Variants in SKAP1 observed in about 807,000 individuals in gnomAD.
SKAP1 encodes src kinase-associated phosphoprotein 1.
A neutral mutation model predicts 58.5 loss-of-function variants in SKAP1; 44 were observed. That is an observed-to-expected ratio of 0.75 (90% CI 0.59 to 0.97). The LOEUF (loss-of-function observed/expected upper bound fraction) is 0.97, where lower values mean the gene tolerates loss of function less well. Among genes scored for constraint, SKAP1 ranks in the 50% least tolerant of loss-of-function variants. The pLI is 0.00. For synonymous variants in SKAP1, 127 were observed against 149.7 expected, an observed-to-expected ratio of 0.85 and a Z score of 1.11; for missense variants, 390 against 435.2, an observed-to-expected ratio of 0.90 and a Z score of 0.92.
At chr17:48,390,433 A>T (rs958843399) in intron 2 of SKAP1, among the ~76,000 whole-genome samples, 4 of 152,218 alleles carry the variant, frequency 2.6e-5, no homozygotes, top group Admixed American at 1.3e-4. Context: ...GTATGAATTA[A>T]GTCCATCTAC....
chr17:48,333,007 A>G (rs1385106684), intron 4 of SKAP1, among the ~76,000 whole-genome samples: 1 of 152,206 alleles, frequency 6.6e-6, no homozygotes, highest in East Asian at 1.9e-4. Flanking sequence ...CCTATTCTAG[A>G]TAGGAAAAGT....
At chr17:48,184,576 A>G (rs1313452190) in intron 7 of SKAP1, 147 bp downstream of exon 7, 1 of 974,806 alleles carries the variant, frequency 1.0e-6, no homozygotes, top group Non-Finnish European at 1.6e-6. Flanking sequence ...AAATATGAGG[A>G]CATGCCAAGA....
intron 6 of SKAP1, among the ~76,000 whole-genome samples, chr17:48,185,579 G>C (rs2064438872): frequency 6.6e-6 from 1 of 152,134 alleles, no homozygotes; most frequent in Non-Finnish European, 1.5e-5. Flanking sequence ...CATTGTGTGG[G>C]TCAGGCAGAA....
chr17:48,317,323 A>G (rs2066302485), intron 4 of SKAP1, among the ~76,000 whole-genome samples: 1 of 152,252 alleles, frequency 6.6e-6, no homozygotes, highest in African/African-American at 2.4e-5. Context: ...TGATCAGTTG[A>G]CCTTCATTTC....
intron 4 of SKAP1, among the ~76,000 whole-genome samples, chr17:48,279,370 C>A (rs2065740184): frequency 6.6e-6 from 1 of 152,192 alleles, no homozygotes; most frequent in Non-Finnish European, 1.5e-5. Flanking sequence ...ACAATAGATT[C>A]TAACACTGCC....
At chr17:48,187,705 C>T (rs1296344603) in intron 6 of SKAP1, 138 bp downstream of exon 6, 35 of 580,070 alleles carry the variant, frequency 6.0e-5, no homozygotes, top group Non-Finnish European at 9.1e-5. Flanking sequence ...ATTATTTGTC[C>T]ATGCCAATTT....
At chr17:48,134,511 T>G (rs1056450434) in intron 12 of SKAP1, among the ~76,000 whole-genome samples, 1 of 151,496 alleles carries the variant, frequency 6.6e-6, no homozygotes, top group East Asian at 1.9e-4. Flanking sequence ...AGAGATGAGG[T>G]TCCACCATGT....
intron 11 of SKAP1, among the ~76,000 whole-genome samples, chr17:48,137,924 C>A (rs2063721557): frequency 1.3e-5 from 2 of 152,194 alleles, no homozygotes. Flanking sequence ...GATAATATCT[C>A]CCTTCTATCT....
chr17:48,339,326 G>GTTTA lies in SKAP1; in HGVS notation c.280+6575_280+6578dup, dbSNP rs373691500. On this transcript the variant is annotated intron_variant, in intron 4 of 12. Coordinates refer to ENST00000336915, the MANE Select transcript of SKAP1 (RefSeq NM_003726.4). ...TGAATATATGTATGTATGCATATAT[G>GTTTA]TTTATTTACAGACTTATTTATGGAA... 4.2e-4 allele frequency among the ~76,000 whole-genome samples: 64 copies of GTTTA among 152,238 alleles called. 2 individuals carry two copies. The East Asian group carries it at 0.012, about 29-fold the overall frequency.
chr17:48,282,267 A>C (rs1296500118), intron 4 of SKAP1, among the ~76,000 whole-genome samples: 1 of 152,214 alleles, frequency 6.6e-6, no homozygotes, highest in African/African-American at 2.4e-5. Flanking sequence ...TTCAACAATT[A>C]TCAACTCATG....
At chr17:48,157,929 AC>A (rs1344242293) in intron 11 of SKAP1, among the ~76,000 whole-genome samples, 19 of 150,630 alleles carry the variant, frequency 1.3e-4, no homozygotes, top group African/African-American at 4.6e-4. Flanking sequence ...TGTAATCCCA[AC>A]ACTTTAGGAG....
chr17:48,431,465 C>T (rs1050214365), upstream of SKAP1, among the ~76,000 whole-genome samples: 2 of 152,182 alleles, frequency 1.3e-5, no homozygotes, highest in African/African-American at 4.8e-5. Context: ...GATGGAAGAG[C>T]CCTCACCAGC....
chr17:48,283,798 G>C (rs2065797042), intron 4 of SKAP1, among the ~76,000 whole-genome samples: 1 of 152,146 alleles, frequency 6.6e-6, no homozygotes, highest in Non-Finnish European at 1.5e-5. Flanking sequence ...TTCTGTCTGG[G>C]CATCTTGTAC....
intron 9 of SKAP1, among the ~76,000 whole-genome samples, chr17:48,171,360 C>T (rs1254750505): frequency 6.6e-6 from 1 of 152,040 alleles, no homozygotes; most frequent in Non-Finnish European, 1.5e-5. Context: ...CCCACCTTGG[C>T]CTCCCAAAGT....
At chr17:48,425,695 A>G (rs1297400223) in intron 1 of SKAP1, among the ~76,000 whole-genome samples, 1 of 152,230 alleles carries the variant, frequency 6.6e-6, no homozygotes, top group African/African-American at 2.4e-5. Context: ...TCTTTTACAT[A>G]TATCTCAATT....
At chr17:48,179,288 TCTAA>T (rs2064336003) in intron 9 of SKAP1, among the ~76,000 whole-genome samples, 1 of 152,160 alleles carries the variant, frequency 6.6e-6, no homozygotes, top group Admixed American at 6.5e-5. Context: ...GTTCCTGTGG[TCTAA>T]CTACTTCACA....
At chr17:48,226,456 A>G (rs1476406941) in intron 4 of SKAP1, among the ~76,000 whole-genome samples, 3 of 152,016 alleles carry the variant, frequency 2.0e-5, no homozygotes, top group African/African-American at 7.3e-5. Flanking sequence ...TATCTCTATT[A>G]TGGATCAGAA....
At chr17:48,249,557 C>G (rs987979435) in intron 4 of SKAP1, among the ~76,000 whole-genome samples, 1 of 151,870 alleles carries the variant, frequency 6.6e-6, no homozygotes, top group Admixed American at 6.6e-5. Flanking sequence ...GCCTGTAGTC[C>G]TAGCTACTCG....
intron 4 of SKAP1, among the ~76,000 whole-genome samples, chr17:48,205,366 C>A (rs976923538): frequency 3.1e-4 from 47 of 152,214 alleles, no homozygotes; most frequent in African/African-American, 1.1e-3. Context: ...GTGCCTCGGC[C>A]TCCCAAAGTG....
Sources: allele counts gnomAD v4.1 joint callset (sites outside exome capture counted in the v4.1 genomes callset), GRCh38; gene constraint gnomAD v4.1.1; transcripts MANE v1.5; gene names NCBI Gene and HGNC (gene_info 2026-07-23, HGNC 2026-07-21).